ANKRD29: variants seen among roughly 807,000 people sequenced by gnomAD.
ANKRD29 encodes ankyrin repeat domain-containing protein 29.
Under a neutral mutation model 38.0 loss-of-function variants are expected in ANKRD29, and 32 were observed. The ratio of observed to expected loss-of-function variants is 0.84; its 90% CI spans 0.64 to 1.13. ANKRD29 has a LOEUF of 1.13. ANKRD29 is among the 50% of genes most tolerant of loss of function. ANKRD29 has a pLI of 0.00. For synonymous variants in ANKRD29, 135 were observed against 152.4 expected (o/e 0.89, Z 0.84); for missense variants, 357 against 377.9 (o/e 0.94, Z 0.46).
At chr18:23,614,547 A>T (rs988518008) in intron 8 of ANKRD29, among the ~76,000 whole-genome samples, 3 of 151,942 alleles carry the variant, frequency 2.0e-5, no homozygotes, top group East Asian at 1.9e-4. Flanking sequence ...GGCCAGACAC[A>T]GTGGCTCACA....
chr18:23,646,622 C>A (rs2060143748), intron 2 of ANKRD29: 1 of 180,284 alleles, frequency 5.5e-6, no homozygotes, highest in South Asian at 1.7e-4. Context: ...ATTCCTGAGC[C>A]AAAACATTGC....
intron 2 of ANKRD29, chr18:23,648,120 C>T (rs1598528578): frequency 6.6e-6 from 1 of 152,416 alleles, no homozygotes; most frequent in Non-Finnish European, 1.5e-5. Context: ...CTCCTCCTAC[C>T]CTCTGACTCC....
At chr18:23,640,843 T>C (rs2060064764) in intron 3 of ANKRD29, among the ~76,000 whole-genome samples, 1 of 152,196 alleles carries the variant, frequency 6.6e-6, no homozygotes, top group African/African-American at 2.4e-5. Flanking sequence ...CCTTTTTCCA[T>C]AGTTTACCCA....
chr18:23,662,837 C>T lies in ANKRD29; in HGVS notation c.-107G>A. The T allele has an allele frequency of 9.4e-7, 1 of 1,058,490 alleles. No homozygotes were observed. The highest frequency in any genetic ancestry group is 4.4e-5 in the East Asian group (1 of 22,530). The allele number at this position is 1,058,490 out of a possible 1,614,324, so 65.6% of individuals were successfully genotyped here. On this transcript the variant is annotated 5_prime_UTR_variant, in exon 1 of 10. Coordinates refer to ENST00000592179, the MANE Select transcript of ANKRD29 (RefSeq NM_173505.4). ...TCTCGGCGTTCCGCAGAGGGGCGGC[C>T]TCCGACGCCGCGCGCTCCCGCCGCC...
chr18:23,614,571 C>T (rs947025151), intron 8 of ANKRD29, among the ~76,000 whole-genome samples: 5 of 151,530 alleles, frequency 3.3e-5, no homozygotes, highest in African/African-American at 9.7e-5. Context: ...GTAATCCCAG[C>T]GCTTTAGGAG....
intron 6 of ANKRD29, among the ~76,000 whole-genome samples, chr18:23,625,042 A>G (rs1271359913): frequency 6.6e-6 from 1 of 152,208 alleles, no homozygotes; most frequent in Non-Finnish European, 1.5e-5. Context: ...CAGCCGTCAC[A>G]CTTGGGTTAC....
At chr18:23,624,201 C>T (rs1218897594) in intron 6 of ANKRD29, among the ~76,000 whole-genome samples, 1 of 151,456 alleles carries the variant, frequency 6.6e-6, no homozygotes, top group African/African-American at 2.4e-5. Flanking sequence ...CATGGTGGTT[C>T]ACACCTGTAA....
rs576542272 is a variant in ANKRD29, at chr18:23,615,790, C to CA, written c.723+1941dup. ...AGTTGGGAGAGACTTGTATGGCCCA[C>CA]ACAGCCTAAAATATTTGCTATCTGG... On this transcript the variant is annotated intron_variant, in intron 8 of 9. Transcript: ENST00000592179. Among the ~76,000 whole-genome samples the CA allele has an allele frequency of 3.0e-3, 450 of 151,792 alleles. 4 individuals carry two copies. Among genetic ancestry groups the CA allele is most frequent in the African/African-American group, 0.01 (430 of 41,396 alleles).
At chr18:23,627,157 A>G (rs1283547087) in intron 6 of ANKRD29, among the ~76,000 whole-genome samples, 4 of 152,240 alleles carry the variant, frequency 2.6e-5, no homozygotes, top group Admixed American at 6.5e-5. Context: ...TGACCTGGAT[A>G]GATAACAACC....
intron 8 of ANKRD29, among the ~76,000 whole-genome samples, chr18:23,615,057 C>T (rs974656159): frequency 3.9e-5 from 6 of 152,162 alleles, no homozygotes; most frequent in African/African-American, 9.7e-5. Flanking sequence ...GGTTTCACTC[C>T]GTTGCCCTGG....
At chr18:23,619,107 G>A (rs1414770054) in intron 7 of ANKRD29, among the ~76,000 whole-genome samples, 1 of 152,260 alleles carries the variant, frequency 6.6e-6, no homozygotes, top group East Asian at 1.9e-4. Flanking sequence ...GCAGAGGCCA[G>A]TGGATGACGG....
intron 6 of ANKRD29, among the ~76,000 whole-genome samples, chr18:23,629,334 T>C (rs1010908425): frequency 6.6e-6 from 1 of 152,270 alleles, no homozygotes; most frequent in African/African-American, 2.4e-5. Flanking sequence ...AGCTGTTAGC[T>C]TGCTGTTGGT....
In ANKRD29 at chr18:23,618,709, AT is replaced by A. The variant is rs1473859656; in HGVS notation, c.627+821del. On this transcript the variant is annotated intron_variant, in intron 7 of 9. Transcript: ENST00000592179. ...ATTCCTTTTTCTCCCATTTTCACATATCAGTCGCTGTGTTTGGAGGATTTAG... is the reference window on the plus strand; with the variant it reads ...ATTCCTTTTTCTCCCATTTTCACATACAGTCGCTGTGTTTGGAGGATTTAG... The A allele has an allele frequency of 4.0e-5, 6 of 151,878 alleles. No individual in the cohort carries two copies. The East Asian group carries it at 1.2e-3, about 29-fold the overall frequency. The allele number at this position is 151,878 out of a possible 1,614,324, so 9.4% of individuals were successfully genotyped here.
In ANKRD29 at chr18:23,600,210, A is replaced by G. The variant is rs1431274858; in HGVS notation, c.*1016T>C. The G allele has an allele frequency of 6.6e-6, 1 of 152,560 alleles. No individual in the cohort carries two copies. The highest frequency in any genetic ancestry group is 1.9e-4 in the East Asian group (1 of 5,204). 9.5% of individuals were successfully genotyped at this position (152,560 alleles called of 1,614,324 possible). A position where few individuals can be genotyped will look rare whatever the true frequency, so the allele number is the denominator to read the frequency against. On this transcript the variant is annotated 3_prime_UTR_variant, in exon 10 of 10. Coordinates refer to ENST00000592179, the MANE Select transcript of ANKRD29 (RefSeq NM_173505.4). ...TCATTCTTGGAATCAGTCAACTCAA[A>G]AACATGCATAGATGAAGACTTACTA... is the stretch of plus-strand genomic sequence containing the variant.
intron 5 of ANKRD29, among the ~76,000 whole-genome samples, 164 bp from the exon 6 acceptor site, chr18:23,630,115 C>G (rs1027170229): frequency 2.6e-5 from 4 of 152,040 alleles, no homozygotes; most frequent in Non-Finnish European, 5.9e-5. Flanking sequence ...ATGGTGAAAT[C>G]CCGTCTCTGC....
intron 9 of ANKRD29, among the ~76,000 whole-genome samples, chr18:23,611,004 T>G (rs2145639891): frequency 1.3e-5 from 2 of 152,350 alleles, no homozygotes; most frequent in South Asian, 4.1e-4. Context: ...AGACCTTTCC[T>G]AGGCTACTCT....
At chr18:23,636,868 T>C (rs564786206) in intron 4 of ANKRD29, among the ~76,000 whole-genome samples, 112 of 152,320 alleles carry the variant, frequency 7.4e-4, no homozygotes, top group Admixed American at 1.8e-3. Context: ...GCCCAGCCTC[T>C]TTTATTTTAT....
intron 7 of ANKRD29, chr18:23,618,417 T>C (rs2059751351): frequency 6.6e-6 from 1 of 152,296 alleles, no homozygotes; most frequent in South Asian, 2.1e-4. Context: ...AAACCCCGTC[T>C]CTACCAAAAA....
rs377532465 is a variant in ANKRD29, at chr18:23,649,239, A to T, written c.22-46T>A. On this transcript the variant is annotated intron_variant, in intron 1 of 9. Coordinates refer to ENST00000592179, the MANE Select transcript of ANKRD29 (RefSeq NM_173505.4). Reference sequence around the variant, plus strand: ...AGGATCTTAAAATTGATGTCAGTTAACATGACTGCTGCTATGCACATAGAT... The same window carrying T: ...AGGATCTTAAAATTGATGTCAGTTATCATGACTGCTGCTATGCACATAGAT... 4 of 1,377,614 alleles carry T rather than the reference A, an allele frequency of 2.9e-6. No homozygotes were observed. In the African/African-American group the frequency reaches 5.7e-5, roughly 20 times the overall value. The allele number at this position is 1,377,614 out of a possible 1,614,324, so 85.3% of individuals were successfully genotyped here.
Sources: gnomAD v4.1 joint callset for allele counts (sites outside exome capture counted in the v4.1 genomes callset) on GRCh38, gnomAD v4.1.1 for gene constraint, MANE v1.5 for transcripts, NCBI Gene and HGNC (gene_info 2026-07-23, HGNC 2026-07-21) for gene names.